KATNIP: variants seen among roughly 807,000 people sequenced by gnomAD.
KATNIP encodes the protein katanin interacting protein.
Under a neutral mutation model 174.0 loss-of-function variants are expected in KATNIP, and 126 were observed. The ratio of observed to expected loss-of-function variants is 0.72; its 90% CI spans 0.63 to 0.84. The LOEUF (loss-of-function observed/expected upper bound fraction) is 0.84. KATNIP is among the 40% of genes least tolerant of loss of function. The pLI is 0.00. For synonymous variants in KATNIP, 810 were observed against 835.7 expected (o/e 0.97, Z 0.53); for missense variants, 1,958 against 2,109.7 (o/e 0.93, Z 1.41).
In KATNIP at chr16:27,766,429, G is replaced by A; in HGVS notation, c.3930G>A (p.Leu1310=). The change falls in exon 20 of 28, where the codon CTG becomes CTA. Residue 1310 remains leucine (L), a synonymous_variant. Coordinates refer to ENST00000261588, the MANE Select transcript of KATNIP (RefSeq NM_015202.5). Reference sequence around the variant, plus strand: ...ACAGGGCCGAAAGCATCGCAGGCCTGCGCTTCTGGAACTACAATAAATCTC... The same window carrying A: ...ACAGGGCCGAAAGCATCGCAGGCCTACGCTTCTGGAACTACAATAAATCTC... ...RLDRAESIAG[L]RFWNYNKSPE... 1 of 1,614,052 alleles carries A rather than the reference G, an allele frequency of 6.2e-7. No individual in the cohort carries two copies. The highest frequency in any genetic ancestry group is 8.5e-7 in the Non-Finnish European group (1 of 1,180,034).
chr16:27,626,259 TC>T (rs927918849), intron 3 of KATNIP, among the ~76,000 whole-genome samples: 5 of 148,030 alleles, frequency 3.4e-5, no homozygotes, highest in Non-Finnish European at 7.4e-5. Flanking sequence ...AATGATAACA[TC>T]TGTGTAATAG....
In KATNIP at chr16:27,702,474, T is replaced by A. The variant is rs569522217; in HGVS notation, c.1286+779T>A. On this transcript the variant is annotated intron_variant, in intron 11 of 27. Coordinates refer to ENST00000261588, the MANE Select transcript of KATNIP (RefSeq NM_015202.5). ...AGATCTTCAGAAAGATGCGTCAGGC[T>A]GAGAGCCTGTAGTTTCTAGCATGCC... Among the ~76,000 whole-genome samples, 168 of 152,334 alleles carry A rather than the reference T, an allele frequency of 1.1e-3. 2 individuals are homozygous for A. The highest frequency in any genetic ancestry group is 3.9e-3 in the African/African-American group (163 of 41,578).
At chr16:27,682,147 T>C (rs1228429445) in intron 8 of KATNIP, among the ~76,000 whole-genome samples, 2 of 152,226 alleles carry the variant, frequency 1.3e-5, no homozygotes, top group Non-Finnish European at 2.9e-5. Flanking sequence ...AGTAATAATA[T>C]GTGCAAATGG....
Position 27,756,316 on chromosome 16 carries a change from C to G in KATNIP, c.3631+2065C>G, listed in dbSNP as rs77002300. On this transcript the variant is annotated intron_variant, in intron 18 of 27. Coordinates refer to ENST00000261588, the MANE Select transcript of KATNIP (RefSeq NM_015202.5). ...TTTCGAATAGCAGCAGTTTTAAAGG[C>G]CAACCTAACATTAGGCAAGAGCCTG... Among the ~76,000 whole-genome samples the G allele has an allele frequency of 2.2e-3, 340 of 152,356 alleles. 1 individual carries two copies. The highest frequency in any genetic ancestry group is 7.8e-3 in the African/African-American group (324 of 41,578).
intron 7 of KATNIP, among the ~76,000 whole-genome samples, chr16:27,679,790 C>T (rs2078261875): frequency 1.3e-5 from 2 of 150,726 alleles, no homozygotes; most frequent in African/African-American, 4.9e-5. Context: ...GGACACAGTT[C>T]AGCTCTGGAA....
At chr16:27,609,170 A>G (rs1232994093) in intron 2 of KATNIP, among the ~76,000 whole-genome samples, 1 of 152,080 alleles carries the variant, frequency 6.6e-6, no homozygotes, top group Admixed American at 6.6e-5. Flanking sequence ...CAATGAACAA[A>G]CTAGACAAAG....
rs539605577 is a variant in KATNIP, at chr16:27,575,804, G to A, written c.63+1848G>A. On this transcript the variant is annotated intron_variant, in intron 2 of 27. Transcript: ENST00000261588. ...AGCCCATCTAGGATGAGGGCTGGAC[G>A]AAGCCTTAGGAACTTCGCTGCTGCT... Among the ~76,000 whole-genome samples, 248 of 152,308 alleles carry A rather than the reference G, an allele frequency of 1.6e-3. 2 individuals are homozygous for A. The highest frequency in any genetic ancestry group is 6.8e-3 in the Middle Eastern group (2 of 294).
At chr16:27,718,135 C>G (rs939540404) in intron 13 of KATNIP, 2 of 152,210 alleles carry the variant, frequency 1.3e-5, no homozygotes, top group African/African-American at 4.8e-5. Context: ...GATGGAGGCT[C>G]GGATCCTCAC....
At chr16:27,713,802 G>GTATATATA (rs2079760402) in intron 13 of KATNIP, among the ~76,000 whole-genome samples, 1 of 46,322 alleles carries the variant, frequency 2.2e-5, no homozygotes, top group Non-Finnish European at 3.9e-5. Flanking sequence ...GTGTGTGTGT[G>GTATATATA]TATATACATA....
chr16:27,759,366 CT>C (rs2081864967), intron 18 of KATNIP, among the ~76,000 whole-genome samples: 1 of 152,188 alleles, frequency 6.6e-6, no homozygotes, highest in Non-Finnish European at 1.5e-5. Context: ...TAGGGAAGGC[CT>C]CTCAGGAAAT....
At chr16:27,714,313 T>C (rs975187475) in intron 13 of KATNIP, among the ~76,000 whole-genome samples, 1 of 152,206 alleles carries the variant, frequency 6.6e-6, no homozygotes, top group African/African-American at 2.4e-5. Flanking sequence ...AAAATTCTTA[T>C]CTGTCCTGTT....
chr16:27,621,984 T>G (rs1307131896), intron 3 of KATNIP, among the ~76,000 whole-genome samples: 1 of 152,064 alleles, frequency 6.6e-6, no homozygotes, highest in Non-Finnish European at 1.5e-5. Flanking sequence ...CCTAACTATA[T>G]ACAAGCCAAT....
At chr16:27,629,232 T>C (rs2076420239) in intron 4 of KATNIP, among the ~76,000 whole-genome samples, 1 of 150,926 alleles carries the variant, frequency 6.6e-6, no homozygotes, top group African/African-American at 2.4e-5. Context: ...CGAACACAAG[T>C]TAACTACACC....
At position 27,698,387 on chromosome 16, in the gene KATNIP, G is replaced by C; in HGVS notation, c.1000G>C (p.Glu334Gln). 6.2e-7 allele frequency: 1 copy of C among 1,613,338 alleles called. No individual in the cohort carries two copies. Among genetic ancestry groups the C allele is most frequent in the African/African-American group, 1.3e-5 (1 of 75,054 alleles). ...AACCCGCAAAACTCTTTGCGAGGCT[G>C]AGTACCCAGAGGAAGATGCCTCTGC... ...SATRKTLCEAEYPEEDASAVL... is the reference protein window; with the variant it reads ...SATRKTLCEAQYPEEDASAVL... Residue 334 changes from glutamate to glutamine, a missense_variant, in exon 9 of 28, where the codon GAG becomes CAG. Physicochemically the swap from Glu to Gln is conservative, Grantham distance 29. Transcript: ENST00000261588.
At chr16:27,616,729 A>G (rs1284342693) in intron 2 of KATNIP, among the ~76,000 whole-genome samples, 1 of 151,126 alleles carries the variant, frequency 6.6e-6, no homozygotes, top group Non-Finnish European at 1.5e-5. Context: ...TCTGTCTCAG[A>G]AAAAAAATAA....
chr16:27,561,810 G>A (rs918013683), intron 1 of KATNIP, among the ~76,000 whole-genome samples: 3 of 152,136 alleles, frequency 2.0e-5, no homozygotes, highest in South Asian at 2.1e-4. Context: ...GACAGATGTC[G>A]CCTAGGGTCT....
chr16:27,611,280 T>C (rs1354132092), intron 2 of KATNIP, among the ~76,000 whole-genome samples: 1 of 152,186 alleles, frequency 6.6e-6, no homozygotes, highest in Non-Finnish European at 1.5e-5. Context: ...CAATAAGCCC[T>C]TGATAAATGT....
chr16:27,642,892 G>C (rs928207105), intron 5 of KATNIP, among the ~76,000 whole-genome samples: 1 of 151,404 alleles, frequency 6.6e-6, no homozygotes, highest in South Asian at 2.1e-4. Flanking sequence ...AGAGGTGTGA[G>C]CCACCACACC....
intron 14 of KATNIP, among the ~76,000 whole-genome samples, chr16:27,739,267 C>T (rs1327538300): frequency 2.0e-5 from 3 of 152,036 alleles, no homozygotes; most frequent in Non-Finnish European, 4.4e-5. Context: ...AAGGGGGCCA[C>T]GAGGTTTTTG....
Sources: gnomAD v4.1 joint callset for allele counts (sites outside exome capture counted in the v4.1 genomes callset) on GRCh38, gnomAD v4.1.1 for gene constraint, MANE v1.5 for transcripts, NCBI Gene and HGNC (gene_info 2026-07-23, HGNC 2026-07-21) for gene names.